The following JPH4 variants were observed in gnomAD, a reference collection of about 807,000 sequenced individuals.
JPH4 encodes junctophilin-4.
Under a neutral mutation model 57.6 loss-of-function variants are expected in JPH4, and 18 were observed. The ratio of observed to expected loss-of-function variants is 0.31; its 90% CI spans 0.22 to 0.46. JPH4 has a LOEUF of 0.46. JPH4 is among the 20% of genes least tolerant of loss of function. The pLI is 1.00. For synonymous variants in JPH4, 425 were observed against 406.6 expected (o/e 1.05, Z -0.54); for missense variants, 727 against 911.1 (o/e 0.80, Z 2.60).
rs1164508894 is a variant in JPH4, at chr14:23,568,444, CACCT to C, written c.*1186_*1189del. 3.0e-6 allele frequency: 3 copies of C among 985,688 alleles called. No homozygotes were observed. Among genetic ancestry groups the C allele is most frequent in the African/African-American group, 1.7e-5 (1 of 57,250 alleles). 61.1% of individuals were successfully genotyped at this position (985,688 alleles called of 1,614,324 possible). ...ACAACCTCAAACAGGGCTCTCCACCCACCTGTCACCCGGGTTTGACTCCCACCTC... is the reference window on the plus strand; with the variant it reads ...ACAACCTCAAACAGGGCTCTCCACCCGTCACCCGGGTTTGACTCCCACCTC... On this transcript the variant is annotated 3_prime_UTR_variant, in exon 6 of 6. Transcript: ENST00000356300.
At position 23,570,913 on chromosome 14, in the gene JPH4, G is replaced by A. The variant is rs774947162; in HGVS notation, c.1803+15C>T. 2.0e-6 allele frequency: 3 copies of A among 1,504,390 alleles called. No individual in the cohort carries two copies. The African/African-American group carries it at 4.2e-5, about 21-fold the overall frequency. The allele number at this position is 1,504,390 out of a possible 1,614,324, so 93.2% of individuals were successfully genotyped here. A position where few individuals can be genotyped will look rare whatever the true frequency, so the allele number is the denominator to read the frequency against. On this transcript the variant is annotated intron_variant, in intron 5 of 5. Coordinates refer to ENST00000356300, the MANE Select transcript of JPH4 (RefSeq NM_001146028.2). ...TTGGGAGAAGAGGGCACACAGCAGGGACAGAGGATCTCACCGGCTGGGCAG... is the reference window on the plus strand; with the variant it reads ...TTGGGAGAAGAGGGCACACAGCAGGAACAGAGGATCTCACCGGCTGGGCAG...
chr14:23,572,470 G>A (rs1000189645), intron 3 of JPH4, among the ~76,000 whole-genome samples: 8 of 150,698 alleles, frequency 5.3e-5, no homozygotes, highest in African/African-American at 2.0e-4. Context: ...CCCCTGCCCC[G>A]CCCCCTCGTT....
In JPH4 at chr14:23,578,436, T is replaced by C. The variant is rs1242399116; in HGVS notation, c.-428A>G. The C allele has an allele frequency of 7.3e-6, 1 of 137,110 alleles. No individual in the cohort carries two copies. Among genetic ancestry groups the C allele is most frequent in the Non-Finnish European group, 1.6e-5 (1 of 63,634 alleles). The allele number at this position is 137,110 out of a possible 1,614,324, so 8.5% of individuals were successfully genotyped here. A position where few individuals can be genotyped will look rare whatever the true frequency, so the allele number is the denominator to read the frequency against. Reference sequence around the variant, plus strand: ...GGAAAAAATCTGCCTTGGATGGAGATAGGGAAGAAGAGCTGGGAGCTGGAT... The same window carrying C: ...GGAAAAAATCTGCCTTGGATGGAGACAGGGAAGAAGAGCTGGGAGCTGGAT... On this transcript the variant is annotated 5_prime_UTR_variant, in exon 1 of 6. Transcript: ENST00000356300.
At position 23,571,538 on chromosome 14, in the gene JPH4, G is replaced by A; in HGVS notation, c.1271-78C>T. On this transcript the variant is annotated intron_variant, in intron 4 of 5. Transcript: ENST00000356300. This position sits in a 1 kb window ranked among gnomAD's most constrained non-coding sequence, Gnocchi z 4.6. ...TGGCTGCAGCTTTATTCCTGACTGG[G>A]CACTTCCCAGGACTTTGGAATTCCC... The A allele has an allele frequency of 3.3e-6, 5 of 1,512,308 alleles. No homozygotes were observed. Among genetic ancestry groups the A allele is most frequent in the Non-Finnish European group, 4.5e-6 (5 of 1,123,542 alleles). The allele number at this position is 1,512,308 out of a possible 1,614,324, so 93.7% of individuals were successfully genotyped here.
In JPH4 at chr14:23,571,930, C is replaced by A. The variant is rs771894809; in HGVS notation, c.1152-10G>T. The stretch of plus-strand genomic sequence containing the variant: ...GAGGGCGTCTGCTGCCCTGTCGGGT[C>A]CAGAGACAGGGATTTAGCAGAACTT... On this transcript the variant is annotated splice_polypyrimidine_tract_variant and intron_variant, in intron 3 of 5. Coordinates refer to ENST00000356300, the MANE Select transcript of JPH4 (RefSeq NM_001146028.2). This position sits in a 1 kb window ranked among gnomAD's most constrained non-coding sequence, Gnocchi z 4.6. 30 of 1,608,628 alleles carry A rather than the reference C, an allele frequency of 1.9e-5. No individual in the cohort carries two copies. Among genetic ancestry groups the A allele is most frequent in the Admixed American group, 6.7e-5 (4 of 59,976 alleles).
chr14:23,570,244 A>C (rs929703274), intron 5 of JPH4, among the ~76,000 whole-genome samples: 2 of 36,850 alleles, frequency 5.4e-5, no homozygotes, highest in African/African-American at 2.2e-4. Context: ...AAAGAGAGAA[A>C]GTGCGGAGGT....
In JPH4 at chr14:23,571,791, C is replaced by G; in HGVS notation, c.1270+11G>C. On this transcript the variant is annotated intron_variant, in intron 4 of 5. Transcript: ENST00000356300. This position sits in a 1 kb window ranked among gnomAD's most constrained non-coding sequence, Gnocchi z 4.6. ...GCCTCACTGCCCTCCCCCCAGCTGT[C>G]CATGCCTCACCTGGGGCCTCTAGCA... 1.9e-6 allele frequency: 3 copies of G among 1,607,776 alleles called. No homozygotes were observed. The highest frequency in any genetic ancestry group is 2.6e-6 in the Non-Finnish European group (3 of 1,176,372).
At position 23,571,384 on chromosome 14, in the gene JPH4, G is replaced by A. The variant is rs202147068; in HGVS notation, c.1347C>T (p.Asn449=). The change falls in exon 5 of 6, where the codon AAC becomes AAT. Residue 449 remains asparagine (N), a synonymous_variant. Coordinates refer to ENST00000356300, the MANE Select transcript of JPH4 (RefSeq NM_001146028.2). This position sits in a 1 kb window ranked among gnomAD's most constrained non-coding sequence, Gnocchi z 4.6. ...LDEDSPGVYE[N]GLTPSEGSPE... ...GGGATCCCTCTGAGGGGGTCAGTCC[G>A]TTCTCATATACCCCAGGGCTGTCCT... 8.6e-5 allele frequency: 138 copies of A among 1,600,540 alleles called. No individual in the cohort carries two copies. The highest frequency in any genetic ancestry group is 1.3e-4 in the South Asian group (12 of 91,006).
intron 5 of JPH4, among the ~76,000 whole-genome samples, chr14:23,570,036 A>G (rs1453138520): frequency 6.6e-6 from 1 of 152,096 alleles, no homozygotes; most frequent in Non-Finnish European, 1.5e-5. Flanking sequence ...GTACTGCAGT[A>G]AGGCAGAGGG....
At chr14:23,574,635 C>G (rs1477647551) in intron 3 of JPH4, among the ~76,000 whole-genome samples, 3 of 152,192 alleles carry the variant, frequency 2.0e-5, no homozygotes, top group African/African-American at 7.2e-5. Flanking sequence ...GCGCAGGGAG[C>G]CTCGCTTGCT....
intron 3 of JPH4, chr14:23,574,906 GGTCTACAGGTGTGTGC>G (rs1391078001): frequency 1.0e-5 from 2 of 192,664 alleles, no homozygotes; most frequent in Middle Eastern, 3.7e-3. Context: ...ACCTCTCAAG[GGTCTACAGGTGTGTGC>G]CACAATGTCT....
Position 23,571,947 on chromosome 14 carries a change from G to T in JPH4, c.1152-27C>A. Reference sequence around the variant, plus strand: ...TGTCGGGTCCAGAGACAGGGATTTAGCAGAACTTCCCCCACTTCAAGTTAG... The same window carrying T: ...TGTCGGGTCCAGAGACAGGGATTTATCAGAACTTCCCCCACTTCAAGTTAG... On this transcript the variant is annotated intron_variant, in intron 3 of 5. Transcript: ENST00000356300. The surrounding 1 kb of genome is among the most constrained non-coding windows in gnomAD (Gnocchi z 4.6). 1.3e-6 allele frequency: 2 copies of T among 1,599,392 alleles called. No homozygotes were observed. Among genetic ancestry groups the T allele is most frequent in the Non-Finnish European group, 1.7e-6 (2 of 1,172,312 alleles).
At chr14:23,572,028 C>A (rs1889163805) in intron 3 of JPH4, 108 bp from the exon 4 acceptor site, 1 of 951,992 alleles carries the variant, frequency 1.1e-6, no homozygotes, top group Non-Finnish European at 1.6e-6. Context: ...TCACATCCTC[C>A]TCTCCTCTGG....
Position 23,577,479 on chromosome 14 carries a change from C to T in JPH4, c.-26G>A. Reference sequence around the variant, plus strand: ...GCATGTAGTTGGCGCGGCCTCAGCCCCCCGGCGGCTCAGCGCATCCTGGGA... The same window carrying T: ...GCATGTAGTTGGCGCGGCCTCAGCCTCCCGGCGGCTCAGCGCATCCTGGGA... On this transcript the variant is annotated 5_prime_UTR_variant, in exon 2 of 6. Transcript: ENST00000356300. The surrounding 1 kb of genome is among the most constrained non-coding windows in gnomAD (Gnocchi z 8.4). 1 of 1,392,780 alleles carries T rather than the reference C, an allele frequency of 7.2e-7. No homozygotes were observed. Among genetic ancestry groups the T allele is most frequent in the East Asian group, 2.9e-5 (1 of 34,324 alleles). The allele number at this position is 1,392,780 out of a possible 1,614,324, so 86.3% of individuals were successfully genotyped here.
intron 3 of JPH4, chr14:23,572,825 C>T: frequency 1.4e-6 from 1 of 701,608 alleles, no homozygotes; most frequent in Non-Finnish European, 2.6e-6. Context: ...TCCACAACCC[C>T]CTACCACCTT....
chr14:23,571,329 GGGA>G lies in JPH4; in HGVS notation c.1399_1401del (p.Ser467del). The G allele has an allele frequency of 6.3e-7, 1 of 1,596,184 alleles. No homozygotes were observed. Among genetic ancestry groups the G allele is most frequent in the Non-Finnish European group, 8.5e-7 (1 of 1,173,504 alleles). On this transcript the variant is annotated inframe_deletion, in exon 5 of 6. Transcript: ENST00000356300. The surrounding 1 kb of genome is among the most constrained non-coding windows in gnomAD (Gnocchi z 4.6). ...CAGGCAGGGGGTCGCCAGGGTTGGCGGGAGGAGGCAGGACTGCTGGGCAGTTCA... is the reference window on the plus strand; with the variant it reads ...CAGGCAGGGGGTCGCCAGGGTTGGCGGGAGGCAGGACTGCTGGGCAGTTCA...
At chr14:23,570,054 G>A (rs1009117702) in intron 5 of JPH4, among the ~76,000 whole-genome samples, 1 of 152,140 alleles carries the variant, frequency 6.6e-6, no homozygotes, top group Admixed American at 6.5e-5. Context: ...GGGATGAAGG[G>A]GTGAGGATGT....
rs202151797 is a variant in JPH4, at chr14:23,571,389, C to T, written c.1342G>A (p.Glu448Lys). 2.4e-5 allele frequency: 38 copies of T among 1,600,206 alleles called. No individual in the cohort carries two copies. The highest frequency in any genetic ancestry group is 3.0e-5 in the Non-Finnish European group (35 of 1,179,654). Reference protein sequence around the residue: ...PLDEDSPGVYENGLTPSEGSP... With the variant: ...PLDEDSPGVYKNGLTPSEGSP... ...CCCTCTGAGGGGGTCAGTCCGTTCT[C>T]ATATACCCCAGGGCTGTCCTCATCC... Residue 448 changes from glutamate to lysine, a missense_variant, in exon 5 of 6, where the codon GAG (glutamate) becomes AAG (lysine). This residue lies in a region of JPH4 where 293 missense variants were observed against 279.8 expected (regional missense o/e 1.05). Transcript: ENST00000356300. The surrounding 1 kb of genome is among the most constrained non-coding windows in gnomAD (Gnocchi z 4.6).
Position 23,577,377 on chromosome 14 carries a change from C to T in JPH4, c.77G>A (p.Gly26Asp). ...GCCGGGGCCCGTGCACACGCCGTAGCCATGTGCCCGCCCCGCCTCCCAGCC... is the reference window on the plus strand; with the variant it reads ...GCCGGGGCCCGTGCACACGCCGTAGTCATGTGCCCGCCCCGCCTCCCAGCC... ...VGGWEAGRAH[G>D]YGVCTGPGAQ... The change falls in exon 2 of 6, where the codon GGC (glycine) becomes GAC (aspartate). Residue 26 changes from glycine to aspartate, a missense_variant. Coordinates refer to ENST00000356300, the MANE Select transcript of JPH4 (RefSeq NM_001146028.2). This position sits in a 1 kb window ranked among gnomAD's most constrained non-coding sequence, Gnocchi z 8.4. The T allele has an allele frequency of 6.7e-7, 1 of 1,498,106 alleles. No homozygotes were observed. The highest frequency in any genetic ancestry group is 8.9e-7 in the Non-Finnish European group (1 of 1,126,012). The allele number at this position is 1,498,106 out of a possible 1,614,324, so 92.8% of individuals were successfully genotyped here.
Sources: allele counts gnomAD v4.1 joint callset (sites outside exome capture counted in the v4.1 genomes callset), GRCh38; gene constraint gnomAD v4.1.1; regional missense constraint gnomAD v4.1.1; non-coding constraint Gnocchi (gnomAD v3.1); transcripts MANE v1.5; gene names NCBI Gene and HGNC (gene_info 2026-07-23, HGNC 2026-07-21).